DENND2B: variants seen among roughly 807,000 people sequenced by gnomAD.
The protein encoded by DENND2B is DENN domain-containing protein 2B.
In DENND2B, 32 loss-of-function variants were observed where a neutral mutation model predicts 116.0. The ratio of observed to expected loss-of-function variants is 0.28; its 90% CI spans 0.21 to 0.37. The LOEUF is 0.37. Among genes scored for constraint, DENND2B ranks in the 10% least tolerant of loss-of-function variants. The pLI is 1.00. For synonymous variants in DENND2B, 588 were observed against 583.9 expected (o/e 1.01, Z -0.10); for missense variants, 1,276 against 1,477.7 (o/e 0.86, Z 2.24).
chr11:8,758,060 T>A (rs1236389431), intron 1 of DENND2B, among the ~76,000 whole-genome samples: 1 of 151,890 alleles, frequency 6.6e-6, no homozygotes, highest in Non-Finnish European at 1.5e-5. Context: ...AAATGCAGAG[T>A]CCCAGGCCCC....
At chr11:8,875,122 G>C (rs2063828680), upstream of DENND2B, among the ~76,000 whole-genome samples, 1 of 152,034 alleles carries the variant, frequency 6.6e-6, no homozygotes, top group Admixed American at 6.5e-5. Flanking sequence ...AGGAGATGGA[G>C]ACCATCCTGG....
chr11:8,702,787 G>T lies in DENND2B; in HGVS notation c.2572-67C>A, dbSNP rs761134445. ...TGGGTGCTGCCCTCTGGCCCTCCAC[G>T]AAGCAACTGGAGCTGCTTTCCCCTT... On this transcript the variant is annotated intron_variant, in intron 13 of 19. Coordinates refer to ENST00000313726, the MANE Select transcript of DENND2B (RefSeq NM_213618.2). This position sits in a 1 kb window ranked among gnomAD's most constrained non-coding sequence, Gnocchi z 4.6. 57 of 1,512,684 alleles carry T rather than the reference G, an allele frequency of 3.8e-5. No individual in the cohort carries two copies. The Middle Eastern group carries it at 6.6e-4, about 17-fold the overall frequency. 93.7% of individuals were successfully genotyped at this position (1,512,684 alleles called of 1,614,324 possible). A position where few individuals can be genotyped will look rare whatever the true frequency, so the allele number is the denominator to read the frequency against.
At chr11:8,694,880 C>T (rs1257309847) in intron 19 of DENND2B, among the ~76,000 whole-genome samples, 1 of 152,080 alleles carries the variant, frequency 6.6e-6, no homozygotes, top group African/African-American at 2.4e-5. Context: ...GGCAACATAG[C>T]AAGACATCAT....
intron 4 of DENND2B, chr11:8,718,165 G>T (rs1000765546): frequency 6.5e-6 from 4 of 617,272 alleles, no homozygotes; most frequent in South Asian, 1.7e-5. Context: ...TAAATTCAGG[G>T]ATTGCACAAG....
At chr11:8,767,407 A>C (rs1368738669) in intron 1 of DENND2B, among the ~76,000 whole-genome samples, 1 of 136,568 alleles carries the variant, frequency 7.3e-6, no homozygotes, top group Non-Finnish European at 1.6e-5. Flanking sequence ...AAAATGAGAG[A>C]CCCTGAGAGG....
chr11:8,871,239 G>A (rs1019871758), intron 1 of DENND2B: 4 of 149,198 alleles, frequency 2.7e-5, no homozygotes, highest in Non-Finnish European at 5.9e-5. Flanking sequence ...GCCGCGCCGA[G>A]AGTGTGCGAG....
intron 2 of DENND2B, among the ~76,000 whole-genome samples, chr11:8,734,574 G>T (rs540920776): frequency 6.6e-6 from 1 of 152,126 alleles, no homozygotes; most frequent in East Asian, 1.9e-4. Flanking sequence ...GATGACCTGA[G>T]GTCAGGAGTT....
At chr11:8,738,943 G>A (rs2049647471) in intron 2 of DENND2B, among the ~76,000 whole-genome samples, 2 of 152,166 alleles carry the variant, frequency 1.3e-5, no homozygotes. Context: ...CTCCACTGGG[G>A]AGACATCTGT....
At chr11:8,893,470 A>C (rs2064059141) in intron 1 of DENND2B, among the ~76,000 whole-genome samples, 1 of 152,244 alleles carries the variant, frequency 6.6e-6, no homozygotes, top group Non-Finnish European at 1.5e-5. Flanking sequence ...CCCTGTTTGC[A>C]GATGACATGA....
upstream of DENND2B, chr11:8,811,601 T>TC (rs1213742065): frequency 2.8e-6 from 1 of 357,260 alleles, no homozygotes; most frequent in Non-Finnish European, 5.0e-6. Flanking sequence ...TCCCTTCCTC[T>TC]CCCCCCTACC....
At chr11:8,866,241 G>A (rs2063577039) in intron 2 of DENND2B, among the ~76,000 whole-genome samples, 1 of 152,218 alleles carries the variant, frequency 6.6e-6, no homozygotes, top group Admixed American at 6.5e-5. Flanking sequence ...TTACAGGCGT[G>A]AGCCACCGCA....
At chr11:8,827,582 G>A (rs1056104852) in intron 4 of DENND2B, among the ~76,000 whole-genome samples, 7 of 152,210 alleles carry the variant, frequency 4.6e-5, no homozygotes, top group Non-Finnish European at 7.3e-5. Context: ...CTCTCTCTGC[G>A]TGCTCCCAAG....
chr11:8,742,102 G>A (rs1205731800), intron 2 of DENND2B, among the ~76,000 whole-genome samples: 1 of 152,126 alleles, frequency 6.6e-6, no homozygotes, highest in Non-Finnish European at 1.5e-5. Flanking sequence ...GTCTTGCTAT[G>A]TTGCCCAGCC....
chr11:8,742,376 T>G (rs1455168462), intron 2 of DENND2B, among the ~76,000 whole-genome samples: 1 of 152,180 alleles, frequency 6.6e-6, no homozygotes. Flanking sequence ...GAATATATTT[T>G]GGCGCCTGCA....
chr11:8,836,413 CTTTTTTTTTT>C (rs67181023), intron 4 of DENND2B, among the ~76,000 whole-genome samples: 4 of 77,550 alleles, frequency 5.2e-5, no homozygotes, highest in South Asian at 1.2e-3. Flanking sequence ...TTCTGTACTT[CTTTTTTTTTT>C]TTTTTTTTTT....
Position 8,767,379 on chromosome 11 carries a change from C to T in DENND2B, c.-25-16654G>A, listed in dbSNP as rs893203105. On this transcript the variant is annotated intron_variant, in intron 1 of 19. Coordinates refer to ENST00000313726, the MANE Select transcript of DENND2B (RefSeq NM_213618.2). ...AGGGATTAGATGTGTTTTCTAGGGT[C>T]CCCCAAGGAGACCTCAGAAAATGAG... 2.0e-5 allele frequency among the ~76,000 whole-genome samples: 3 copies of T among 151,924 alleles called. No individual in the cohort carries two copies. In the South Asian group the frequency reaches 6.3e-4, roughly 32 times the overall value.
intron 13 of DENND2B, among the ~76,000 whole-genome samples, chr11:8,704,728 C>T (rs146519621): frequency 0.024 from 3,698 of 152,262 alleles, 62 homozygotes; most frequent in Non-Finnish European, 0.039. Flanking sequence ...GATGGAGTCT[C>T]GCTTTGTCGC....
At chr11:8,724,793 G>A (rs899436235) in intron 4 of DENND2B, among the ~76,000 whole-genome samples, 6 of 152,302 alleles carry the variant, frequency 3.9e-5, no homozygotes, top group Admixed American at 3.3e-4. Flanking sequence ...TCTCCCTTCA[G>A]GGCAGAGGCA....
chr11:8,878,429 G>A (rs866228944), intron 2 of DENND2B, among the ~76,000 whole-genome samples: 89 of 150,032 alleles, frequency 5.9e-4, no homozygotes, highest in Admixed American at 1.1e-3. Flanking sequence ...TCGCTCAGTC[G>A]TCCAGGCTGG....
Sources: gnomAD v4.1 joint callset for allele counts (sites outside exome capture counted in the v4.1 genomes callset) on GRCh38, gnomAD v4.1.1 for gene constraint, Gnocchi (gnomAD v3.1) non-coding constraint, MANE v1.5 for transcripts, NCBI Gene and HGNC (gene_info 2026-07-23, HGNC 2026-07-21) for gene names.